The following PTPN11 variants were observed in gnomAD, a reference collection of about 807,000 sequenced individuals.
PTPN11 encodes protein tyrosine phosphatase non-receptor type 11, also known as tyrosine-protein phosphatase non-receptor type 11.
Under a neutral mutation model 78.8 loss-of-function variants are expected in PTPN11, and 6 were observed. The ratio of observed to expected loss-of-function variants is 0.08; its 90% CI spans 0.04 to 0.15. PTPN11 has a LOEUF of 0.15. Among genes scored for constraint, PTPN11 ranks in the 10% least tolerant of loss-of-function variants. PTPN11 has a pLI of 1.00. For missense variants in PTPN11, 386 were observed against 744.8 expected (o/e 0.52, Z 5.61); for synonymous variants, 221 against 263.5 (o/e 0.84, Z 1.56).
intron 1 of PTPN11, among the ~76,000 whole-genome samples, chr12:112,441,895 G>A (rs1314604459): frequency 2.6e-5 from 4 of 151,866 alleles, no homozygotes; most frequent in Non-Finnish European, 5.9e-5. Context: ...TCCTGCCTCA[G>A]CCTCCCGAGT....
chr12:112,497,309 T>G (rs1017984291), intron 13 of PTPN11, among the ~76,000 whole-genome samples: 3 of 152,232 alleles, frequency 2.0e-5, no homozygotes, highest in Admixed American at 2.0e-4. Context: ...GCTATTTGGC[T>G]CCTCATATTT....
intron 6 of PTPN11, among the ~76,000 whole-genome samples, chr12:112,469,212 G>GT (rs1225290825): frequency 6.6e-6 from 1 of 152,154 alleles, no homozygotes; most frequent in Non-Finnish European, 1.5e-5. Context: ...ATGATTCTTG[G>GT]TGTTACCCCA....
chr12:112,448,872 TGTGTC>T, intron 2 of PTPN11, among the ~76,000 whole-genome samples: 1 of 152,192 alleles, frequency 6.6e-6, no homozygotes, highest in South Asian at 2.1e-4. Flanking sequence ...TAAAATTACA[TGTGTC>T]TTTTTATTTT....
chr12:112,492,691 G>A (rs918060826), intron 13 of PTPN11, among the ~76,000 whole-genome samples: 5 of 151,884 alleles, frequency 3.3e-5, no homozygotes, highest in Non-Finnish European at 1.5e-5. Flanking sequence ...CTAATTTTTT[G>A]TATTTTTAGT....
At chr12:112,474,410 G>A (rs2038467309) in intron 7 of PTPN11, among the ~76,000 whole-genome samples, 1 of 152,020 alleles carries the variant, frequency 6.6e-6, no homozygotes, top group African/African-American at 2.4e-5. Context: ...CTAGGGCGGG[G>A]TCTCCCTATG....
At chr12:112,432,323 TA>T (rs888839891) in intron 1 of PTPN11, among the ~76,000 whole-genome samples, 1 of 152,120 alleles carries the variant, frequency 6.6e-6, no homozygotes, top group African/African-American at 2.4e-5. Context: ...ATTTGCCACA[TA>T]ATGATGGTTC....
At chr12:112,499,776 C>T (rs2038853876) in intron 13 of PTPN11, among the ~76,000 whole-genome samples, 1 of 150,816 alleles carries the variant, frequency 6.6e-6, no homozygotes, top group Admixed American at 6.6e-5. Flanking sequence ...ATAATGAGAC[C>T]CCCTCTCTAC....
chr12:112,486,466 C>T lies in PTPN11; in HGVS notation c.1225-9C>T, dbSNP rs377257792. The T allele has an allele frequency of 1.9e-6, 3 of 1,612,568 alleles. No homozygotes were observed. Among genetic ancestry groups the T allele is most frequent in the Non-Finnish European group, 2.5e-6 (3 of 1,178,698 alleles). ...AATTCTTTTCTGGTTTTTCTTGGCT[C>T]TACTCCAGGGGAATACGGAGAGAAC... On this transcript the variant is annotated splice_polypyrimidine_tract_variant and intron_variant, in intron 10 of 15. Transcript: ENST00000351677.
At chr12:112,453,463 C>T (rs984476199) in intron 4 of PTPN11, 76 bp downstream of exon 4, 2 of 1,124,598 alleles carry the variant, frequency 1.8e-6, no homozygotes, top group South Asian at 2.5e-5. Flanking sequence ...AAGACAGACA[C>T]CATTACATTC....
chr12:112,460,754 A>G (rs2038234581), intron 6 of PTPN11, among the ~76,000 whole-genome samples: 1 of 152,178 alleles, frequency 6.6e-6, no homozygotes, highest in African/African-American at 2.4e-5. Context: ...AGGCAGGAGA[A>G]TCGCTTGAAC....
chr12:112,470,010 C>G (rs1006079241), intron 6 of PTPN11, among the ~76,000 whole-genome samples: 4 of 152,038 alleles, frequency 2.6e-5, no homozygotes, highest in Non-Finnish European at 4.4e-5. Flanking sequence ...CAGCCTTGAC[C>G]TTCTGGGCTC....
At chr12:112,481,297 T>C (rs1489500422) in intron 9 of PTPN11, among the ~76,000 whole-genome samples, 2 of 152,188 alleles carry the variant, frequency 1.3e-5, no homozygotes, top group Admixed American at 1.3e-4. Flanking sequence ...TGGTAGATCT[T>C]AGAATTCAGA....
chr12:112,502,338 C>G, intron 14 of PTPN11, 82 bp downstream of exon 14: 1 of 1,166,614 alleles, frequency 8.6e-7, no homozygotes, highest in Non-Finnish European at 1.3e-6. Flanking sequence ...AAACAAAACA[C>G]AAGTTTGTAG....
chr12:112,422,022 A>T (rs1440920923), intron 1 of PTPN11, among the ~76,000 whole-genome samples: 1 of 152,224 alleles, frequency 6.6e-6, no homozygotes, highest in East Asian at 1.9e-4. Flanking sequence ...TGCTATTTTC[A>T]TGGCTGAGAG....
intron 11 of PTPN11, among the ~76,000 whole-genome samples, chr12:112,488,023 A>C (rs2038701374): frequency 6.6e-6 from 1 of 152,010 alleles, no homozygotes; most frequent in Non-Finnish European, 1.5e-5. Flanking sequence ...GCCCCAAGTG[A>C]TCCTCCTGCC....
chr12:112,453,659 T>G lies in PTPN11; in HGVS notation c.525+272T>G, dbSNP rs145442861. On this transcript the variant is annotated intron_variant, in intron 4 of 15. Coordinates refer to ENST00000351677, the MANE Select transcript of PTPN11 (RefSeq NM_002834.5). ...GTCAGATTTTCTGTTTTTTTTTTTT[T>G]TTTGTTTTTGTTTTTTTAATATTCA... is the stretch of plus-strand genomic sequence containing the variant. Among the ~76,000 whole-genome samples, 4,276 of 151,360 alleles carry G rather than the reference T, an allele frequency of 0.028. 127 individuals carry two copies. Among genetic ancestry groups the G allele is most frequent in the African/African-American group, 0.068 (2,798 of 41,256 alleles).
At chr12:112,471,450 CAGAA>C (rs1226350799) in intron 6 of PTPN11, among the ~76,000 whole-genome samples, 5 of 96,976 alleles carry the variant, frequency 5.2e-5, no homozygotes, top group South Asian at 3.4e-4. Context: ...ATATGATAAA[CAGAA>C]AGAGAGAGAG....
At chr12:112,433,105 C>T (rs1316423229) in intron 1 of PTPN11, among the ~76,000 whole-genome samples, 2 of 152,180 alleles carry the variant, frequency 1.3e-5, no homozygotes, top group African/African-American at 4.8e-5. Flanking sequence ...AAGTGATCCG[C>T]CTGCCTCAGC....
chr12:112,461,328 TTTTC>T (rs1592835518), intron 6 of PTPN11, among the ~76,000 whole-genome samples: 1 of 151,880 alleles, frequency 6.6e-6, no homozygotes, highest in Middle Eastern at 3.4e-3. Flanking sequence ...AGCAGTTTTC[TTTTC>T]TTTTTCTTTT....
Sources: allele counts gnomAD v4.1 joint callset (sites outside exome capture counted in the v4.1 genomes callset), GRCh38; gene constraint gnomAD v4.1.1; transcripts MANE v1.5; gene names NCBI Gene and HGNC (gene_info 2026-07-23, HGNC 2026-07-21).